Variants in SMAD4 observed in about 807,000 individuals in gnomAD.
SMAD4 encodes SMAD family member 4.
In SMAD4, 7 loss-of-function variants were observed where a neutral mutation model predicts 63.2. The observed-to-expected ratio is 0.11, with a 90% CI of 0.06 to 0.21. SMAD4 has a LOEUF of 0.21. SMAD4 is among the 10% of genes least tolerant of loss of function. SMAD4 has a pLI of 1.00. For missense variants in SMAD4, 312 were observed against 693.8 expected, an observed-to-expected ratio of 0.45 and a Z score of 6.18; for synonymous variants, 215 against 235.4, an observed-to-expected ratio of 0.91 and a Z score of 0.79.
At chr18:51,061,897 T>G (rs1910024105) in intron 8 of SMAD4, among the ~76,000 whole-genome samples, 1 of 152,206 alleles carries the variant, frequency 6.6e-6, no homozygotes, top group African/African-American at 2.4e-5. Flanking sequence ...TAATTTTTCT[T>G]CTAGCTGTTT....
At position 51,074,238 on chromosome 18, in the gene SMAD4, A is replaced by G. The variant is rs549935251; in HGVS notation, c.1309-2400A>G. ...AAAAAAAAAAAAAAAAAAATTAGCC[A>G]GGCATGGTGGCATGTGCCTGTAGTC... On this transcript the variant is annotated intron_variant, in intron 10 of 11. Coordinates refer to ENST00000342988, the MANE Select transcript of SMAD4 (RefSeq NM_005359.6). 4.4e-3 allele frequency among the ~76,000 whole-genome samples: 663 copies of G among 151,218 alleles called. 1 individual carries two copies. The highest frequency in any genetic ancestry group is 7.7e-3 in the Non-Finnish European group (521 of 67,790).
At chr18:51,034,040 C>T (rs976051143) in intron 1 of SMAD4, among the ~76,000 whole-genome samples, 4 of 152,116 alleles carry the variant, frequency 2.6e-5, no homozygotes, top group East Asian at 1.9e-4. Flanking sequence ...TTAAAATTGG[C>T]GGTAACAGTA....
chr18:51,074,683 C>T (rs1414518105), intron 10 of SMAD4, among the ~76,000 whole-genome samples: 1 of 152,150 alleles, frequency 6.6e-6, no homozygotes, highest in African/African-American at 2.4e-5. Context: ...TAATTTACTT[C>T]TTTAAAAAAG....
At chr18:51,043,432 C>A (rs530173938) in intron 1 of SMAD4, among the ~76,000 whole-genome samples, 2 of 152,096 alleles carry the variant, frequency 1.3e-5, no homozygotes, top group Non-Finnish European at 2.9e-5. Context: ...TTCAGTCATG[C>A]GGCTAGACCT....
At chr18:51,036,662 C>A (rs1909215200) in intron 1 of SMAD4, among the ~76,000 whole-genome samples, 1 of 152,154 alleles carries the variant, frequency 6.6e-6, no homozygotes, top group Admixed American at 6.5e-5. Flanking sequence ...ACTCATGATA[C>A]TTAATTTGTA....
rs1418796610 is a variant in SMAD4, at chr18:51,059,782, A to G, written c.905-84A>G. On this transcript the variant is annotated intron_variant, in intron 7 of 11. Transcript: ENST00000342988. The stretch of plus-strand genomic sequence containing the variant: ...AAACAATTCCTAACCTATAATAGTT[A>G]TATTTAAGTAAGATTTACTGAAAGT... The G allele has an allele frequency of 4.1e-6, 4 of 986,446 alleles. No homozygotes were observed. The African/African-American group carries it at 4.8e-5, about 12-fold the overall frequency. The allele number at this position is 986,446 out of a possible 1,614,324, so 61.1% of individuals were successfully genotyped here. A position where few individuals can be genotyped will look rare whatever the true frequency, so the allele number is the denominator to read the frequency against.
chr18:51,059,412 G>T (rs770272546), intron 7 of SMAD4, among the ~76,000 whole-genome samples: 2 of 152,164 alleles, frequency 1.3e-5, no homozygotes, highest in African/African-American at 2.4e-5. Context: ...TATGTGAGGT[G>T]TTTAGCACAG....
At chr18:51,062,011 A>G (rs1469006525) in intron 8 of SMAD4, among the ~76,000 whole-genome samples, 1 of 152,234 alleles carries the variant, frequency 6.6e-6, no homozygotes, top group Non-Finnish European at 1.5e-5. Flanking sequence ...CAGTGACACC[A>G]GAGTGTGAGA....
At chr18:51,067,782 G>A (rs1377301203) in intron 10 of SMAD4, among the ~76,000 whole-genome samples, 1 of 152,172 alleles carries the variant, frequency 6.6e-6, no homozygotes, top group African/African-American at 2.4e-5. Flanking sequence ...TTGTATTCCT[G>A]TAACTTGAAA....
At chr18:51,041,237 A>G (rs1029288430) in intron 1 of SMAD4, among the ~76,000 whole-genome samples, 12 of 152,298 alleles carry the variant, frequency 7.9e-5, no homozygotes, top group Non-Finnish European at 4.4e-5. Flanking sequence ...AACCTACTCT[A>G]GACAAAGCTC....
At chr18:51,034,403 T>G (rs1909143277) in intron 1 of SMAD4, among the ~76,000 whole-genome samples, 1 of 152,160 alleles carries the variant, frequency 6.6e-6, no homozygotes, top group East Asian at 1.9e-4. Context: ...TGCGCCACCA[T>G]GCCAAGCTAA....
rs537319496 is a variant in SMAD4, at chr18:51,030,219, A to C, written c.-532A>C. Reference sequence around the variant, plus strand: ...ATGTGGTCCCCGCGCGCGCATGCTCAGTGGCTTCTCGACAAGTTGGCAGCA... The same window carrying C: ...ATGTGGTCCCCGCGCGCGCATGCTCCGTGGCTTCTCGACAAGTTGGCAGCA... On this transcript the variant is annotated 5_prime_UTR_variant, in exon 1 of 12. Coordinates refer to ENST00000342988, the MANE Select transcript of SMAD4 (RefSeq NM_005359.6). 3 of 152,558 alleles carry C rather than the reference A, an allele frequency of 2.0e-5. No individual in the cohort carries two copies. The Admixed American group carries it at 2.0e-4, about 10-fold the overall frequency. 9.5% of individuals were successfully genotyped at this position (152,558 alleles called of 1,614,324 possible).
rs142012021 is a variant in SMAD4 at position 51,035,740 on chromosome 18, G to C, written c.-128+5117G>C. Among the ~76,000 whole-genome samples the C allele has an allele frequency of 2.6e-3, 395 of 152,154 alleles. 1 individual carries two copies. The highest frequency in any genetic ancestry group is 8.6e-3 in the African/African-American group (356 of 41,504). ...TAGTACTTCTGTAGAGATCATCTAG[G>C]GCATGTTCAGCTCTCCATTTACATC... On this transcript the variant is annotated intron_variant, in intron 1 of 11. Coordinates refer to ENST00000342988, the MANE Select transcript of SMAD4 (RefSeq NM_005359.6).
At position 51,084,145 on chromosome 18, in the gene SMAD4, C is replaced by T. The variant is rs757053014; in HGVS notation, c.*5678C>T. 5 of 230,372 alleles carry T rather than the reference C, an allele frequency of 2.2e-5. No individual in the cohort carries two copies. The highest frequency in any genetic ancestry group is 3.4e-5 in the Non-Finnish European group (4 of 116,994). The allele number at this position is 230,372 out of a possible 1,614,324, so 14.3% of individuals were successfully genotyped here. On this transcript the variant is annotated 3_prime_UTR_variant, in exon 12 of 12. Transcript: ENST00000342988. ...TCTGGTCAGAGTTTATTAAGGCTTT[C>T]GAGTCATGACATTATAGCTTTTGAG...
rs761937143 is a variant in SMAD4, at chr18:51,047,229, A to C, written c.183A>C (p.Ile61=). The change falls in exon 2 of 12, where the codon ATA becomes ATC. Residue 61 remains isoleucine, a synonymous_variant. Coordinates refer to ENST00000342988, the MANE Select transcript of SMAD4 (RefSeq NM_005359.6). ...KDELDSLITA[I]TTNGAHPSKC... is the part of the protein sequence containing the mutation. Reference sequence around the variant, plus strand: ...AATTGGATTCTTTAATAACAGCTATAACTACAAATGGAGCTCATCCTAGTA... The same window carrying C: ...AATTGGATTCTTTAATAACAGCTATCACTACAAATGGAGCTCATCCTAGTA... The C allele has an allele frequency of 4.3e-6, 7 of 1,613,642 alleles. No homozygotes were observed. Among genetic ancestry groups the C allele is most frequent in the Middle Eastern group, 3.3e-4 (2 of 6,058 alleles).
In SMAD4 at chr18:51,083,156, G is replaced by T. The variant is rs921586418; in HGVS notation, c.*4689G>T. The T allele has an allele frequency of 2.2e-5, 5 of 226,300 alleles. No individual in the cohort carries two copies. Among genetic ancestry groups the T allele is most frequent in the Non-Finnish European group, 4.4e-5 (5 of 113,744 alleles). The allele number at this position is 226,300 out of a possible 1,614,324, so 14.0% of individuals were successfully genotyped here. A position where few individuals can be genotyped will look rare whatever the true frequency, so the allele number is the denominator to read the frequency against. On this transcript the variant is annotated 3_prime_UTR_variant, in exon 12 of 12. Transcript: ENST00000342988. The stretch of plus-strand genomic sequence containing the variant: ...TCTTACAAAAACTGGGGTTACAAGG[G>T]TTACTAAATTAGCATCAGTAGCCAG...
In SMAD4 at chr18:51,081,222, G is replaced by C. The variant is rs1479480248; in HGVS notation, c.*2755G>C. The C allele has an allele frequency of 8.9e-6, 2 of 224,042 alleles. No homozygotes were observed. The highest frequency in any genetic ancestry group is 3.7e-4 in the South Asian group (2 of 5,448). 13.9% of individuals were successfully genotyped at this position (224,042 alleles called of 1,614,324 possible). A position where few individuals can be genotyped will look rare whatever the true frequency, so the allele number is the denominator to read the frequency against. On this transcript the variant is annotated 3_prime_UTR_variant, in exon 12 of 12. Transcript: ENST00000342988. ...TATGGTTCTGGGTGGGTTTTCTCTA[G>C]CTAATTCATATCTCAAAGAGTCTCA...
chr18:51,081,406 C>T lies in SMAD4; in HGVS notation c.*2939C>T, dbSNP rs1363463917. 1 of 230,212 alleles carries T rather than the reference C, an allele frequency of 4.3e-6. No individual in the cohort carries two copies. The allele number at this position is 230,212 out of a possible 1,614,324, so 14.3% of individuals were successfully genotyped here. ...CGGGGAGTAGATCGTGGGATATAGTCTATCTCATTTTTAATAGTTTACCGC... is the reference window on the plus strand; with the variant it reads ...CGGGGAGTAGATCGTGGGATATAGTTTATCTCATTTTTAATAGTTTACCGC... On this transcript the variant is annotated 3_prime_UTR_variant, in exon 12 of 12. Transcript: ENST00000342988.
chr18:51,055,860 A>G lies in SMAD4; in HGVS notation c.667+867A>G, dbSNP rs116488215. ...TGTGTTAGTTGCTACCGAAAGTACC[A>G]TTATTGTATTTGCTTTACTATCAGA... On this transcript the variant is annotated intron_variant, in intron 5 of 11. Coordinates refer to ENST00000342988, the MANE Select transcript of SMAD4 (RefSeq NM_005359.6). Among the ~76,000 whole-genome samples, 1,152 of 152,314 alleles carry G rather than the reference A, an allele frequency of 7.6e-3. 12 individuals are homozygous for G. Among genetic ancestry groups the G allele is most frequent in the African/African-American group, 0.026 (1,087 of 41,562 alleles).
Sources: gnomAD v4.1 joint callset for allele counts (sites outside exome capture counted in the v4.1 genomes callset) on GRCh38, gnomAD v4.1.1 for gene constraint, MANE v1.5 for transcripts, NCBI Gene and HGNC (gene_info 2026-07-23, HGNC 2026-07-21) for gene names.